The following COG5 variants were observed in gnomAD, a reference collection of about 807,000 sequenced individuals.
COG5 encodes the protein component of oligomeric golgi complex 5.
In COG5, 86 loss-of-function variants were observed where a neutral mutation model predicts 110.4. The ratio of observed to expected loss-of-function variants is 0.78; its 90% CI spans 0.65 to 0.93. COG5 has a LOEUF of 0.93. Ranked by LOEUF, COG5 falls within the 40% of genes least tolerant of loss-of-function variation. The pLI is 0.00. For synonymous variants in COG5, 360 were observed against 334.6 expected, an observed-to-expected ratio of 1.08 and a Z score of -0.83; for missense variants, 1,077 against 987.0, an observed-to-expected ratio of 1.09 and a Z score of -1.22.
rs542410087 is a variant in COG5 at position 107,242,410 on chromosome 7, A to G, written c.1854-5723T>C. 8.5e-5 allele frequency among the ~76,000 whole-genome samples: 13 copies of G among 152,328 alleles called. No individual in the cohort carries two copies. In the South Asian group the frequency reaches 1.2e-3, roughly 15 times the overall value. Reference sequence around the variant, plus strand: ...GCCCCAAGCATACTGCAGCAGCCCTATGGCAAAGTGGCCAGACTGTTACAT... The same window carrying G: ...GCCCCAAGCATACTGCAGCAGCCCTGTGGCAAAGTGGCCAGACTGTTACAT... On this transcript the variant is annotated intron_variant, in intron 17 of 21. Transcript: ENST00000297135.
intron 10 of COG5, among the ~76,000 whole-genome samples, chr7:107,350,320 T>C (rs978421755): frequency 1.8e-4 from 28 of 152,212 alleles, no homozygotes; most frequent in Non-Finnish European, 1.5e-4. Context: ...CTTTAGCTTT[T>C]TGTAATCTTG....
At chr7:107,280,919 C>A (rs940406555) in intron 14 of COG5, among the ~76,000 whole-genome samples, 8 of 151,856 alleles carry the variant, frequency 5.3e-5, no homozygotes, top group Non-Finnish European at 8.8e-5. Flanking sequence ...GGTGACCATG[C>A]ATGAATGATA....
intron 7 of COG5, among the ~76,000 whole-genome samples, chr7:107,376,221 C>T (rs1441562182): frequency 6.6e-6 from 1 of 151,996 alleles, no homozygotes; most frequent in Non-Finnish European, 1.5e-5. Flanking sequence ...TTTGGCAATC[C>T]TCTGCCTCTG....
At chr7:107,514,221 A>T (rs949894249) in intron 6 of COG5, among the ~76,000 whole-genome samples, 15 of 151,994 alleles carry the variant, frequency 9.9e-5, no homozygotes, top group African/African-American at 3.4e-4. Flanking sequence ...TTAAAAAATG[A>T]TTCTTCAATA....
At chr7:107,431,003 AC>A (rs1793991126) in intron 6 of COG5, among the ~76,000 whole-genome samples, 1 of 152,196 alleles carries the variant, frequency 6.6e-6, no homozygotes, top group Admixed American at 6.5e-5. Flanking sequence ...AACCAAAAAA[AC>A]AAACAAACAA....
chr7:107,470,603 C>T (rs1164425021), intron 6 of COG5, among the ~76,000 whole-genome samples: 1 of 152,166 alleles, frequency 6.6e-6, no homozygotes, highest in Admixed American at 6.6e-5. Context: ...AGACATGCTA[C>T]ATTTTAAATG....
At chr7:107,217,355 A>G (rs566853191) in intron 19 of COG5, among the ~76,000 whole-genome samples, 10 of 152,274 alleles carry the variant, frequency 6.6e-5, no homozygotes, top group Admixed American at 2.0e-4. Flanking sequence ...AACTTGTCCA[A>G]AAAAATCAAA....
intron 10 of COG5, among the ~76,000 whole-genome samples, chr7:107,350,434 T>C (rs1229531330): frequency 6.6e-6 from 1 of 152,222 alleles, no homozygotes. Context: ...GTCACTTGTT[T>C]CTCAATTTTT....
intron 7 of COG5, among the ~76,000 whole-genome samples, chr7:107,381,961 A>T (rs1223957902): frequency 6.6e-6 from 1 of 152,196 alleles, no homozygotes; most frequent in East Asian, 1.9e-4. Flanking sequence ...TTCTTATGGC[A>T]ATATAGTTGT....
Position 107,561,988 on chromosome 7 carries a change from G to C in COG5, c.94+1815C>G, listed in dbSNP as rs577995792. 1.9e-3 allele frequency among the ~76,000 whole-genome samples: 294 copies of C among 151,288 alleles called. 1 individual carries two copies. The highest frequency in any genetic ancestry group is 6.8e-3 in the African/African-American group (281 of 41,270). Reference sequence around the variant, plus strand: ...GAGACTCCGTCTCAAAAAAAAAAAAGAAAGAAAGAAAGAAAGGAGCAGAGG... The same window carrying C: ...GAGACTCCGTCTCAAAAAAAAAAAACAAAGAAAGAAAGAAAGGAGCAGAGG... On this transcript the variant is annotated intron_variant, in intron 1 of 21. Coordinates refer to ENST00000297135, the MANE Select transcript of COG5 (RefSeq NM_006348.5).
chr7:107,557,659 G>A (rs1465853587), intron 2 of COG5, among the ~76,000 whole-genome samples: 1 of 152,098 alleles, frequency 6.6e-6, no homozygotes, highest in Non-Finnish European at 1.5e-5. Context: ...TATTCATATT[G>A]TTTTACTTCC....
At chr7:107,296,201 T>C (rs1210804175) in intron 12 of COG5, among the ~76,000 whole-genome samples, 1 of 150,924 alleles carries the variant, frequency 6.6e-6, no homozygotes, top group Non-Finnish European at 1.5e-5. Flanking sequence ...CTTTCTTTCT[T>C]TTTCTTTCTT....
chr7:107,235,343 T>C (rs906296229), intron 18 of COG5, among the ~76,000 whole-genome samples: 1 of 152,222 alleles, frequency 6.6e-6, no homozygotes, highest in East Asian at 1.9e-4. Flanking sequence ...ATCTGGCAAA[T>C]TGCTATGAAG....
intron 10 of COG5, among the ~76,000 whole-genome samples, chr7:107,347,159 G>A (rs1172913085): frequency 6.6e-6 from 1 of 152,140 alleles, no homozygotes; most frequent in Non-Finnish European, 1.5e-5. Flanking sequence ...AGAGTTTGGG[G>A]AGAACTTTCC....
At chr7:107,241,933 C>G (rs544655920) in intron 17 of COG5, among the ~76,000 whole-genome samples, 1 of 152,186 alleles carries the variant, frequency 6.6e-6, no homozygotes, top group East Asian at 1.9e-4. Context: ...CGATGCACAC[C>G]ACGACACCCA....
At position 107,511,799 on chromosome 7, in the gene COG5, C is replaced by T. The variant is rs6968814; in HGVS notation, c.538+15438G>A. On this transcript the variant is annotated intron_variant, in intron 6 of 21. Transcript: ENST00000297135. The stretch of plus-strand genomic sequence containing the variant: ...AACAGAACCAAAGACAAAAACCACA[C>T]GATTATCTCAATAGATGCAGAAAAG... Among the ~76,000 whole-genome samples, 886 of 152,192 alleles carry T rather than the reference C, an allele frequency of 5.8e-3. 9 individuals are homozygous for T. Among genetic ancestry groups the T allele is most frequent in the African/African-American group, 0.02 (839 of 41,538 alleles).
intron 19 of COG5, among the ~76,000 whole-genome samples, chr7:107,228,915 G>A (rs559239250): frequency 6.6e-6 from 1 of 152,274 alleles, no homozygotes; most frequent in Non-Finnish European, 1.5e-5. Flanking sequence ...TGACAGAAGA[G>A]AGCAAAGCGA....
intron 6 of COG5, among the ~76,000 whole-genome samples, chr7:107,520,830 T>G (rs1482049210): frequency 6.6e-6 from 1 of 152,184 alleles, no homozygotes; most frequent in Non-Finnish European, 1.5e-5. Context: ...AGAGCTCATA[T>G]AGCCAAGACA....
chr7:107,419,717 A>G (rs1196760960), intron 6 of COG5, among the ~76,000 whole-genome samples: 1 of 152,036 alleles, frequency 6.6e-6, no homozygotes, highest in East Asian at 1.9e-4. Context: ...ACAGGCATCT[A>G]CCACCATGCC....
Sources: allele counts gnomAD v4.1 joint callset (sites outside exome capture counted in the v4.1 genomes callset), GRCh38; gene constraint gnomAD v4.1.1; transcripts MANE v1.5; gene names NCBI Gene and HGNC (gene_info 2026-07-23, HGNC 2026-07-21).